RASA2: variants seen among roughly 807,000 people sequenced by gnomAD.
RASA2 encodes the protein RAS p21 protein activator 2.
Under a neutral mutation model 118.2 loss-of-function variants are expected in RASA2, and 155 were observed. That is an observed-to-expected ratio of 1.31 (90% CI 1.15 to 1.50). The LOEUF is 1.50. RASA2 is among the 40% of genes most tolerant of loss of function. RASA2 has a pLI of 0.00. For missense variants in RASA2, 1,016 were observed against 1,009.6 expected, an observed-to-expected ratio of 1.01 and a Z score of -0.09; for synonymous variants, 353 against 349.1, an observed-to-expected ratio of 1.01 and a Z score of -0.12.
At chr3:141,592,731 G>A (rs937110494) in intron 19 of RASA2, among the ~76,000 whole-genome samples, 1 of 152,040 alleles carries the variant, frequency 6.6e-6, no homozygotes, top group Non-Finnish European at 1.5e-5. Flanking sequence ...TACTGGGAGT[G>A]AGAGAAAAAG....
intron 1 of RASA2, among the ~76,000 whole-genome samples, chr3:141,510,006 G>A (rs891290550): frequency 6.6e-6 from 1 of 152,090 alleles, no homozygotes; most frequent in African/African-American, 2.4e-5. Flanking sequence ...TATCTTACTG[G>A]TACTATTCCA....
intron 17 of RASA2, among the ~76,000 whole-genome samples, chr3:141,584,660 A>C (rs2083171367): frequency 6.6e-6 from 1 of 152,210 alleles, no homozygotes; most frequent in Non-Finnish European, 1.5e-5. Context: ...GTAAAGGGAC[A>C]GTGAGAAAAT....
chr3:141,598,896 C>G (rs1396979577), intron 19 of RASA2, among the ~76,000 whole-genome samples: 4 of 151,964 alleles, frequency 2.6e-5, no homozygotes, highest in Non-Finnish European at 4.4e-5. Context: ...ACCAGCCTGG[C>G]CAACATGCTG....
chr3:141,568,023 A>G (rs1369295646), intron 9 of RASA2, among the ~76,000 whole-genome samples: 1 of 152,198 alleles, frequency 6.6e-6, no homozygotes, highest in African/African-American at 2.4e-5. Flanking sequence ...ATTAAATTCA[A>G]AATTTTAATG....
At chr3:141,580,086 ATATATATATATAT>A (rs1191197418) in intron 15 of RASA2, among the ~76,000 whole-genome samples, 30 of 51,352 alleles carry the variant, frequency 5.8e-4, no homozygotes, top group South Asian at 1.8e-3. Context: ...AAAAAAAAAA[ATATATATATATAT>A]ATATATATAT....
intron 19 of RASA2, among the ~76,000 whole-genome samples, chr3:141,596,291 C>A (rs984537106): frequency 1.3e-5 from 2 of 152,038 alleles, no homozygotes; most frequent in South Asian, 2.1e-4. Context: ...CAAGGAAACT[C>A]AAAAATATTT....
chr3:141,600,318 T>C, intron 19 of RASA2: 1 of 537,748 alleles, frequency 1.9e-6, no homozygotes, highest in Non-Finnish European at 3.8e-6. Context: ...CACTGTCTGA[T>C]GTCCAAAGTG....
chr3:141,601,480 C>T (rs1245105492), intron 19 of RASA2, among the ~76,000 whole-genome samples: 1 of 149,356 alleles, frequency 6.7e-6, no homozygotes, highest in Non-Finnish European at 1.5e-5. Flanking sequence ...GAATCATAGA[C>T]CTCAAAGAAA....
At chr3:141,584,024 A>G (rs2083157950) in intron 17 of RASA2, among the ~76,000 whole-genome samples, 1 of 152,064 alleles carries the variant, frequency 6.6e-6, no homozygotes, top group Non-Finnish European at 1.5e-5. Context: ...TTAAAAAAAA[A>G]GAAGAAGAAA....
chr3:141,512,184 C>T lies in RASA2; in HGVS notation c.155C>T (p.Pro52Leu). The T allele has an allele frequency of 6.2e-7, 1 of 1,607,028 alleles. No individual in the cohort carries two copies. The change falls in exon 2 of 24, where the codon CCA (proline) becomes CTA (leucine). Residue 52 changes from proline (P) to leucine (L), a missense_variant. This residue lies in a region of RASA2 where 896 missense variants were observed against 836.4 expected (regional missense o/e 1.07). Transcript: ENST00000286364. ...ACAGGTGAAGCAAAAAATTTATTGC[C>T]ATATCTTGGACCCCACAAAATGAGA... ...GKICEAKNLL[P>L]YLGPHKMRDC...
At chr3:141,544,067 G>C (rs921452707) in intron 5 of RASA2, among the ~76,000 whole-genome samples, 1 of 151,282 alleles carries the variant, frequency 6.6e-6, no homozygotes, top group Non-Finnish European at 1.5e-5. Context: ...GTAGAAACAG[G>C]GTTTCGCCAT....
At chr3:141,500,789 C>T (rs1216746015) in intron 1 of RASA2, among the ~76,000 whole-genome samples, 7 of 152,164 alleles carry the variant, frequency 4.6e-5, no homozygotes, top group East Asian at 1.9e-4. Flanking sequence ...GTGTTAATAT[C>T]TGAAAGCATT....
rs2081585125 is a variant in RASA2 at position 141,487,083 on chromosome 3, C to T, written c.-1C>T. 1 of 1,353,924 alleles carries T rather than the reference C, an allele frequency of 7.4e-7. No individual in the cohort carries two copies. The allele number at this position is 1,353,924 out of a possible 1,614,324, so 83.9% of individuals were successfully genotyped here. ...GGCTGCGGCACGGGCCGGGCGGCAC[C>T]ATGGCGGCGGCGGCGCCTGCTGCTG... On this transcript the variant is annotated 5_prime_UTR_variant, in exon 1 of 24. Coordinates refer to ENST00000286364, the MANE Select transcript of RASA2 (RefSeq NM_006506.5).
At chr3:141,492,568 T>G (rs2081651746) in intron 1 of RASA2, among the ~76,000 whole-genome samples, 1 of 152,228 alleles carries the variant, frequency 6.6e-6, no homozygotes, top group Admixed American at 6.5e-5. Context: ...TTGGGCAAAT[T>G]CTTTAACCTT....
At chr3:141,495,461 A>T (rs1346119409) in intron 1 of RASA2, among the ~76,000 whole-genome samples, 1 of 152,260 alleles carries the variant, frequency 6.6e-6, no homozygotes, top group Non-Finnish European at 1.5e-5. Flanking sequence ...TCTCACAGGA[A>T]AGGAAATACA....
intron 5 of RASA2, among the ~76,000 whole-genome samples, chr3:141,544,206 A>T: frequency 6.6e-6 from 1 of 152,062 alleles, no homozygotes; most frequent in Non-Finnish European, 1.5e-5. Flanking sequence ...TTTTAGCTTG[A>T]TTGTGATGTA....
At position 141,571,554 on chromosome 3, in the gene RASA2, A is replaced by G. The variant is rs2082920562; in HGVS notation, c.1169A>G (p.Gln390Arg). ...AVAELDLKDT[Q>R]DANTIFRGNS... ...GCTGAATTAGACTTGAAGGATACAC[A>G]GTAAGAGTTATATTTTATTAAATGT... The change falls in exon 11 of 24, where the codon CAA (glutamine) becomes CGA (arginine). Residue 390 changes from glutamine (Q) to arginine (R), a missense_variant and splice_region_variant. Gln to Arg is a conservative substitution (Grantham distance 43). Coordinates refer to ENST00000286364, the MANE Select transcript of RASA2 (RefSeq NM_006506.5). 2.5e-6 allele frequency: 4 copies of G among 1,596,236 alleles called. No individual in the cohort carries two copies. The East Asian group carries it at 8.9e-5, about 36-fold the overall frequency.
At chr3:141,558,424 C>A (rs2082680951) in intron 7 of RASA2, among the ~76,000 whole-genome samples, 1 of 152,062 alleles carries the variant, frequency 6.6e-6, no homozygotes, top group African/African-American at 2.4e-5. Context: ...TGTATGATCA[C>A]TAAATTAAAT....
chr3:141,566,999 T>C (rs1162280352), intron 9 of RASA2, among the ~76,000 whole-genome samples: 1 of 152,170 alleles, frequency 6.6e-6, no homozygotes, highest in Admixed American at 6.5e-5. Flanking sequence ...TGCTTAAAAA[T>C]ATTGCACCTG....
Sources: gnomAD v4.1 joint callset for allele counts (sites outside exome capture counted in the v4.1 genomes callset) on GRCh38, gnomAD v4.1.1 for gene constraint, gnomAD v4.1.1 regional missense constraint, MANE v1.5 for transcripts, NCBI Gene and HGNC (gene_info 2026-07-23, HGNC 2026-07-21) for gene names.